RALYL: variants seen among roughly 807,000 people sequenced by gnomAD.
RALYL encodes RALY RNA binding protein like.
A neutral mutation model predicts 35.1 loss-of-function variants in RALYL; 29 were observed. The ratio of observed to expected loss-of-function variants is 0.83; its 90% CI spans 0.61 to 1.13. RALYL has a LOEUF of 1.13. Ranked by LOEUF, RALYL falls within the 50% of genes most tolerant of loss-of-function variation. The pLI, the probability that RALYL is intolerant of heterozygous loss-of-function variation, is 0.00. For synonymous variants in RALYL, 120 were observed against 127.6 expected (o/e 0.94, Z 0.40); for missense variants, 359 against 360.4 (o/e 1.00, Z 0.03).
chr8:84,189,284 A>C (rs1296639311), intron 1 of RALYL, among the ~76,000 whole-genome samples: 2 of 152,232 alleles, frequency 1.3e-5, no homozygotes, highest in Non-Finnish European at 2.9e-5. Flanking sequence ...GCAAAATTCC[A>C]TTTAACTCAC....
At chr8:84,317,005 C>G (rs1042694144) in intron 1 of RALYL, among the ~76,000 whole-genome samples, 22 of 151,368 alleles carry the variant, frequency 1.5e-4, no homozygotes, top group African/African-American at 5.3e-4. Flanking sequence ...CAAAAGCACT[C>G]CAGAGCTAGA....
intron 8 of RALYL, among the ~76,000 whole-genome samples, chr8:84,900,514 G>GA: frequency 6.6e-6 from 1 of 151,818 alleles, no homozygotes; most frequent in Non-Finnish European, 1.5e-5. Flanking sequence ...CTGTCTCTAT[G>GA]AAAAATAGAA....
chr8:84,506,518 G>T (rs1349711054), intron 1 of RALYL, among the ~76,000 whole-genome samples: 1 of 151,722 alleles, frequency 6.6e-6, no homozygotes, highest in Non-Finnish European at 1.5e-5. Context: ...TAAAGTATTC[G>T]GTTATTGGAT....
intron 1 of RALYL, among the ~76,000 whole-genome samples, chr8:84,306,923 A>G (rs1841927625): frequency 6.6e-6 from 1 of 152,190 alleles, no homozygotes; most frequent in Non-Finnish European, 1.5e-5. Flanking sequence ...CAGTCTTAGC[A>G]TGTGCATTAT....
At chr8:84,641,805 A>C (rs1488478342) in intron 2 of RALYL, among the ~76,000 whole-genome samples, 5 of 151,384 alleles carry the variant, frequency 3.3e-5, no homozygotes, top group Non-Finnish European at 7.4e-5. Context: ...AAAAAAAAAA[A>C]AAACTCATAT....
At chr8:84,234,252 G>T (rs1825994175) in intron 1 of RALYL, among the ~76,000 whole-genome samples, 2 of 152,186 alleles carry the variant, frequency 1.3e-5, no homozygotes, top group African/African-American at 4.8e-5. Context: ...AGCTTTGGCA[G>T]ATTGGCCCAT....
At chr8:84,620,489 A>C (rs1027651994) in intron 2 of RALYL, among the ~76,000 whole-genome samples, 3 of 152,014 alleles carry the variant, frequency 2.0e-5, no homozygotes, top group African/African-American at 4.8e-5. Flanking sequence ...CTAGTTATAC[A>C]TTCTTCTAAA....
At chr8:84,660,174 G>T (rs974192293) in intron 2 of RALYL, among the ~76,000 whole-genome samples, 3 of 152,048 alleles carry the variant, frequency 2.0e-5, no homozygotes, top group Admixed American at 2.0e-4. Context: ...TTGAAGAAAA[G>T]ATATTTGTTC....
At chr8:84,257,506 G>A (rs930346784) in intron 1 of RALYL, among the ~76,000 whole-genome samples, 3 of 152,024 alleles carry the variant, frequency 2.0e-5, no homozygotes, top group Non-Finnish European at 4.4e-5. Flanking sequence ...AAAATACCAG[G>A]TGCAGCCATA....
At chr8:84,672,084 T>C (rs1373000761) in intron 2 of RALYL, among the ~76,000 whole-genome samples, 2 of 152,226 alleles carry the variant, frequency 1.3e-5, no homozygotes, top group East Asian at 1.9e-4. Context: ...ACATCTCTAA[T>C]ACTTTTCTGC....
At chr8:84,426,985 C>T (rs970565011) in intron 1 of RALYL, among the ~76,000 whole-genome samples, 2 of 152,064 alleles carry the variant, frequency 1.3e-5, no homozygotes, top group African/African-American at 4.8e-5. Context: ...CATAAAGATA[C>T]CTGCACTCCC....
intron 1 of RALYL, among the ~76,000 whole-genome samples, chr8:84,339,592 A>C (rs1320989044): frequency 6.6e-6 from 1 of 152,046 alleles, no homozygotes; most frequent in Non-Finnish European, 1.5e-5. Context: ...TAATAGAAAT[A>C]AAGTGTACAA....
At chr8:84,188,157 T>G (rs1186121059) in intron 1 of RALYL, among the ~76,000 whole-genome samples, 1 of 152,104 alleles carries the variant, frequency 6.6e-6, no homozygotes, top group Non-Finnish European at 1.5e-5. Context: ...TTTTGTTACA[T>G]GGCTAAATTA....
At chr8:84,440,708 C>T (rs966953477) in intron 1 of RALYL, among the ~76,000 whole-genome samples, 3 of 151,842 alleles carry the variant, frequency 2.0e-5, no homozygotes, top group Non-Finnish European at 2.9e-5. Flanking sequence ...CTTTTTATGC[C>T]AAGCAGTATT....
intron 1 of RALYL, among the ~76,000 whole-genome samples, chr8:84,391,932 A>G (rs568922351): frequency 4.7e-4 from 72 of 151,982 alleles, no homozygotes; most frequent in Non-Finnish European, 9.4e-4. Flanking sequence ...ATCAACCCTT[A>G]TATTCAAGGA....
intron 1 of RALYL, among the ~76,000 whole-genome samples, chr8:84,354,488 C>G (rs28380661): frequency 0.074 from 11,055 of 150,226 alleles, 988 homozygotes; most frequent in African/African-American, 0.12. Flanking sequence ...TCCTTCAAGA[C>G]AACTCTCCAC....
intron 1 of RALYL, among the ~76,000 whole-genome samples, chr8:84,430,989 C>T (rs565576210): frequency 2.0e-4 from 31 of 152,264 alleles, no homozygotes; most frequent in African/African-American, 7.5e-4. Context: ...TGTCACTTAA[C>T]ATTCCTGAGT....
At chr8:84,307,504 G>A (rs766581493) in intron 1 of RALYL, among the ~76,000 whole-genome samples, 73 of 152,186 alleles carry the variant, frequency 4.8e-4, no homozygotes, top group Non-Finnish European at 9.4e-4. Context: ...GCACAACCAC[G>A]TATATTTTAA....
At chr8:84,585,979 G>A (rs1811905697) in intron 2 of RALYL, among the ~76,000 whole-genome samples, 2 of 152,074 alleles carry the variant, frequency 1.3e-5, no homozygotes, top group Admixed American at 6.5e-5. Flanking sequence ...GGCAGATCAT[G>A]AGGTCAGGAG....
Sources: allele counts gnomAD v4.1 joint callset (sites outside exome capture counted in the v4.1 genomes callset), GRCh38; gene constraint gnomAD v4.1.1; transcripts MANE v1.5; gene names NCBI Gene and HGNC (gene_info 2026-07-23, HGNC 2026-07-21).